CACNA2D3: variants seen among roughly 807,000 people sequenced by gnomAD.
CACNA2D3 encodes calcium voltage-gated channel auxiliary subunit alpha2delta 3, also known as voltage-dependent calcium channel subunit alpha-2/delta-3.
CACNA2D3 carries 60 observed loss-of-function variants against 160.6 expected under a neutral mutation model. That is an observed-to-expected ratio of 0.37 (90% confidence interval 0.30 to 0.46). The LOEUF (loss-of-function observed/expected upper bound fraction) is 0.46, where lower values mean the gene tolerates loss of function less well. CACNA2D3 is among the 20% of genes least tolerant of loss of function. The pLI is 1.00. For missense variants in CACNA2D3, 1,205 were observed against 1,365.0 expected (o/e 0.88, Z 1.85); for synonymous variants, 558 against 492.9 (o/e 1.13, Z -1.75).
In CACNA2D3 at chr3:55,055,912, A is replaced by G. The variant is rs866624724; in HGVS notation, c.2988-17533A>G. Among the ~76,000 whole-genome samples, 21 of 152,282 alleles carry G rather than the reference A, an allele frequency of 1.4e-4. 1 individual carries two copies. In the South Asian group the frequency reaches 4.4e-3, roughly 32 times the overall value. ...GCAATGTTTTTTTAGGTTTGACCCC[A>G]AAAGCATAGGCAACAAAAGCAAAAA... On this transcript the variant is annotated intron_variant, in intron 35 of 37. Transcript: ENST00000474759.
At chr3:54,966,945 ACTCAGCAT>A (rs1702166974) in intron 27 of CACNA2D3, 1 of 152,208 alleles carries the variant, frequency 6.6e-6, no homozygotes. Context: ...TCGTCTGTGT[ACTCAGCAT>A]CTTGCTGGAG....
chr3:54,156,203 G>A (rs887534706), intron 2 of CACNA2D3, among the ~76,000 whole-genome samples: 1 of 152,166 alleles, frequency 6.6e-6, no homozygotes, highest in African/African-American at 2.4e-5. Context: ...CACCAGCAGG[G>A]GAGCGGGGAA....
chr3:54,157,453 G>GGGATA (rs1304999564), intron 2 of CACNA2D3, among the ~76,000 whole-genome samples: 2 of 152,136 alleles, frequency 1.3e-5, no homozygotes, highest in Non-Finnish European at 2.9e-5. Context: ...CTTTAAGTGA[G>GGGATA]GGATAACAAG....
intron 27 of CACNA2D3, among the ~76,000 whole-genome samples, chr3:54,941,811 G>A (rs541998869): frequency 1.3e-5 from 2 of 152,288 alleles, no homozygotes; most frequent in South Asian, 4.1e-4. Context: ...CTTGGGTCTG[G>A]GGAGAGGCTT....
chr3:54,158,486 C>T (rs949588599), intron 2 of CACNA2D3, among the ~76,000 whole-genome samples: 2 of 152,178 alleles, frequency 1.3e-5, no homozygotes, highest in African/African-American at 2.4e-5. Context: ...CATGTGTCTT[C>T]TCTCCAGGAT....
intron 25 of CACNA2D3, among the ~76,000 whole-genome samples, chr3:54,895,369 A>T (rs980260970): frequency 1.3e-5 from 2 of 152,180 alleles, no homozygotes; most frequent in Non-Finnish European, 2.9e-5. Context: ...GAGTTAGGAC[A>T]TGCTAGTACA....
intron 13 of CACNA2D3, among the ~76,000 whole-genome samples, chr3:54,807,063 T>C (rs555408223): frequency 6.6e-6 from 1 of 152,160 alleles, no homozygotes; most frequent in Non-Finnish European, 1.5e-5. Flanking sequence ...TCAAGATAGA[T>C]TAAAGACTTA....
intron 9 of CACNA2D3, among the ~76,000 whole-genome samples, chr3:54,614,059 T>C (rs58493090): frequency 0.033 from 5,078 of 152,262 alleles, 284 homozygotes; most frequent in African/African-American, 0.12. Context: ...CCTTGTTCAA[T>C]TGATCAAGCA....
intron 2 of CACNA2D3, among the ~76,000 whole-genome samples, chr3:54,304,250 A>G (rs375942762): frequency 1.6e-4 from 25 of 152,134 alleles, no homozygotes; most frequent in African/African-American, 5.8e-4. Flanking sequence ...GTTGCTTCAA[A>G]TGAGCCTCCC....
At chr3:54,561,918 C>A (rs1196619421) in intron 5 of CACNA2D3, among the ~76,000 whole-genome samples, 1 of 152,168 alleles carries the variant, frequency 6.6e-6, no homozygotes, top group Non-Finnish European at 1.5e-5. Context: ...GGAGCAAAGG[C>A]ACATCTTACA....
chr3:54,927,678 A>G (rs1336136269), intron 27 of CACNA2D3, among the ~76,000 whole-genome samples: 1 of 152,192 alleles, frequency 6.6e-6, no homozygotes, highest in African/African-American at 2.4e-5. Flanking sequence ...GGCCCGTGAC[A>G]TGCCAACTAC....
At chr3:54,502,370 C>T (rs1306823250) in intron 4 of CACNA2D3, among the ~76,000 whole-genome samples, 2 of 152,136 alleles carry the variant, frequency 1.3e-5, no homozygotes, top group African/African-American at 2.4e-5. Context: ...ACATCTTCAT[C>T]CTCTGCAATT....
intron 18 of CACNA2D3, 21 bp from the exon 19 acceptor site, chr3:54,878,997 A>G: frequency 6.5e-7 from 1 of 1,533,760 alleles, no homozygotes; most frequent in Non-Finnish European, 8.9e-7. Context: ...GAACTAACAC[A>G]CTTTTCTTTT....
At chr3:54,331,983 G>A (rs1452140110) in intron 3 of CACNA2D3, among the ~76,000 whole-genome samples, 1 of 152,182 alleles carries the variant, frequency 6.6e-6, no homozygotes, top group Non-Finnish European at 1.5e-5. Context: ...CATGGACTGA[G>A]ACAGTATTGG....
At chr3:54,804,371 C>G (rs572488952) in intron 13 of CACNA2D3, among the ~76,000 whole-genome samples, 1 of 151,988 alleles carries the variant, frequency 6.6e-6, no homozygotes, top group South Asian at 2.1e-4. Context: ...ATCTACCAAG[C>G]AAATGGAAAA....
intron 2 of CACNA2D3, among the ~76,000 whole-genome samples, chr3:54,198,847 C>T (rs1288802870): frequency 5.9e-5 from 9 of 152,244 alleles, no homozygotes; most frequent in Admixed American, 5.9e-4. Context: ...TTCTCAAAAG[C>T]CTTTGTTCTT....
intron 17 of CACNA2D3, among the ~76,000 whole-genome samples, chr3:54,853,376 C>T (rs1699101336): frequency 1.3e-5 from 2 of 152,194 alleles, no homozygotes; most frequent in Admixed American, 1.3e-4. Context: ...GGTTGGATAT[C>T]TGAGTACCAG....
intron 2 of CACNA2D3, among the ~76,000 whole-genome samples, chr3:54,191,361 A>G (rs993771351): frequency 2.0e-5 from 3 of 151,820 alleles, no homozygotes. Context: ...TTCTGGCCAT[A>G]TTTAATGTTC....
At chr3:54,334,732 G>A (rs2107520968) in intron 3 of CACNA2D3, among the ~76,000 whole-genome samples, 1 of 152,318 alleles carries the variant, frequency 6.6e-6, no homozygotes, top group Non-Finnish European at 1.5e-5. Flanking sequence ...AGGATCAAAT[G>A]AGCAAACATG....
Sources: gnomAD v4.1 joint callset for allele counts (sites outside exome capture counted in the v4.1 genomes callset) on GRCh38, gnomAD v4.1.1 for gene constraint, MANE v1.5 for transcripts, NCBI Gene and HGNC (gene_info 2026-07-23, HGNC 2026-07-21) for gene names.